The following PLK1 variants were observed in gnomAD, a reference collection of about 807,000 sequenced individuals.
PLK1 encodes polo like kinase 1, also known as serine/threonine-protein kinase PLK1.
PLK1 carries 6 observed loss-of-function variants against 56.7 expected under a neutral mutation model. The ratio of observed to expected loss-of-function variants is 0.11; its 90% CI spans 0.06 to 0.21. PLK1 has a LOEUF of 0.21. Among genes scored for constraint, PLK1 ranks in the 10% least tolerant of loss-of-function variants. The probability of loss-of-function intolerance (pLI) is 1.00; values close to 1 mark genes in which losing one functional copy is unlikely to be tolerated. For synonymous variants in PLK1, 298 were observed against 325.0 expected (o/e 0.92, Z 0.89); for missense variants, 546 against 814.4 (o/e 0.67, Z 4.01).
intron 7 of PLK1, among the ~76,000 whole-genome samples, 194 bp downstream of exon 7, chr16:23,688,939 C>T (rs927445701): frequency 6.6e-6 from 1 of 151,588 alleles, no homozygotes; most frequent in South Asian, 2.1e-4. Context: ...CAGGGTCCTG[C>T]TCTGTAGCCC....
At chr16:23,688,617 G>C in intron 6 of PLK1, 51 bp from the exon 7 acceptor site, 1 of 1,379,528 alleles carries the variant, frequency 7.2e-7, no homozygotes, top group Non-Finnish European at 1.0e-6. Flanking sequence ...GTGGAGCAGA[G>C]GGGAAGAGGC....
At chr16:23,680,498 CAGTAAT>C (rs1255539713) in intron 2 of PLK1, among the ~76,000 whole-genome samples, 1 of 152,186 alleles carries the variant, frequency 6.6e-6, no homozygotes, top group Non-Finnish European at 1.5e-5. Flanking sequence ...GTGAAAGCTT[CAGTAAT>C]ACGAGGACAG....
Position 23,683,859 on chromosome 16 carries a change from C to T in PLK1, c.817-11C>T, listed in dbSNP as rs1486849232. 1 of 1,608,578 alleles carries T rather than the reference C, an allele frequency of 6.2e-7. No individual in the cohort carries two copies. The highest frequency in any genetic ancestry group is 8.5e-7 in the Non-Finnish European group (1 of 1,175,122). On this transcript the variant is annotated splice_polypyrimidine_tract_variant and intron_variant, in intron 4 of 9. Transcript: ENST00000300093. ...ACATTCTGCTTATGGCTGTCCCTCT[C>T]TCTGCCCCAGCACATCAACCCCGTG...
At chr16:23,687,430 G>T in intron 5 of PLK1, 39 bp from the exon 6 acceptor site, 1 of 1,494,980 alleles carries the variant, frequency 6.7e-7, no homozygotes, top group South Asian at 1.3e-5. Flanking sequence ...GGGGAGTCCC[G>T]TGCCCTTCCC....
intron 3 of PLK1, among the ~76,000 whole-genome samples, chr16:23,681,728 T>G (rs1181614400): frequency 1.3e-5 from 2 of 152,216 alleles, no homozygotes; most frequent in Non-Finnish European, 2.9e-5. Context: ...AAGGTGGAGC[T>G]GCTTCTGTAA....
intron 5 of PLK1, among the ~76,000 whole-genome samples, chr16:23,686,318 T>C (rs55888781): frequency 0.064 from 9,674 of 152,180 alleles, 639 homozygotes; most frequent in African/African-American, 0.16. Context: ...TTTAATTTTT[T>C]ATATAGCATT....
chr16:23,685,083 C>T (rs1457816566), intron 5 of PLK1, among the ~76,000 whole-genome samples: 4 of 141,014 alleles, frequency 2.8e-5, no homozygotes, highest in African/African-American at 1.1e-4. Flanking sequence ...TTTAAAAAGT[C>T]ACTTGAAATA....
chr16:23,688,818 C>A, intron 7 of PLK1, 73 bp downstream of exon 7: 1 of 1,013,588 alleles, frequency 9.9e-7, no homozygotes. Context: ...CAGACTCTGG[C>A]CTTTTTGAGC....
chr16:23,686,729 A>C (rs1760788129), intron 5 of PLK1, among the ~76,000 whole-genome samples: 2 of 152,190 alleles, frequency 1.3e-5, no homozygotes, highest in African/African-American at 4.8e-5. Context: ...GAGCTCAAAC[A>C]ATCTACCTGC....
At chr16:23,687,163 C>T (rs1732829989) in intron 5 of PLK1, 1 of 206,050 alleles carries the variant, frequency 4.9e-6, no homozygotes, top group African/African-American at 2.3e-5. Context: ...AGATGCTTTC[C>T]ATTCTTTGCT....
chr16:23,682,992 T>TC (rs1959361219), intron 4 of PLK1, among the ~76,000 whole-genome samples: 3 of 140,460 alleles, frequency 2.1e-5, no homozygotes, highest in South Asian at 2.4e-4. Flanking sequence ...TTTCTTTTTT[T>TC]TTTTTTTTTT....
At position 23,680,250 on chromosome 16, in the gene PLK1, T is replaced by C; in HGVS notation, c.575T>C (p.Ile192Thr). ...LFLNEDLEVK[I>T]GDFGLATKVE... ...CTGAATGAAGATCTGGAGGTGAAAA[T>C]AGGTGAGTTGCTGAGCCTGCAGGGG... Residue 192 changes from isoleucine to threonine, a missense_variant and splice_region_variant, in exon 2 of 10, where the codon ATA becomes ACA. Ile to Thr is a moderately conservative substitution (Grantham distance 89, BLOSUM62 -1). Transcript: ENST00000300093. 3 of 1,613,652 alleles carry C rather than the reference T, an allele frequency of 1.9e-6. No individual in the cohort carries two copies. The highest frequency in any genetic ancestry group is 1.3e-5 in the African/African-American group (1 of 74,938).
chr16:23,684,606 C>A (rs1349987330), intron 5 of PLK1, among the ~76,000 whole-genome samples: 2 of 152,182 alleles, frequency 1.3e-5, no homozygotes, highest in African/African-American at 4.8e-5. Flanking sequence ...CCTTTCACCT[C>A]CACCAAAGTG....
chr16:23,681,166 G>C (rs890376271), intron 3 of PLK1, 108 bp downstream of exon 3: 5 of 965,800 alleles, frequency 5.2e-6, no homozygotes, highest in Non-Finnish European at 8.1e-6. Flanking sequence ...TTTACAGAAA[G>C]CCTACTCCAA....
rs767247971 is a variant in PLK1, at chr16:23,689,347, G to A, written c.1380G>A (p.Glu460=). The A allele has an allele frequency of 1.2e-6, 2 of 1,613,606 alleles. No individual in the cohort carries two copies. The highest frequency in any genetic ancestry group is 1.3e-5 in the African/African-American group (1 of 75,018). Residue 460 remains glutamate (E), a synonymous_variant, in exon 8 of 10, where the codon GAG becomes GAA. Coordinates refer to ENST00000300093, the MANE Select transcript of PLK1 (RefSeq NM_005030.6). This position sits in a 1 kb window ranked among gnomAD's most constrained non-coding sequence, Gnocchi z 4.8. ...AGTACATAGAGCGTGACGGCACTGA[G>A]TCCTACCTCACCGTGAGTTCCCATC... ...SLQYIERDGT[E]SYLTVSSHPN...
chr16:23,686,267 G>A (rs551557853), intron 5 of PLK1, among the ~76,000 whole-genome samples: 5 of 151,952 alleles, frequency 3.3e-5, no homozygotes, highest in East Asian at 2.0e-4. Context: ...CTGAGCTCAA[G>A]TGATCCTCCT....
chr16:23,686,972 G>T (rs774715642), intron 5 of PLK1: 1 of 152,242 alleles, frequency 6.6e-6, no homozygotes, highest in Non-Finnish European at 1.5e-5. Flanking sequence ...TGTTTCTACT[G>T]CCCAGATATA....
At chr16:23,687,400 G>A (rs1959445301) in intron 5 of PLK1, 69 bp from the exon 6 acceptor site, 1 of 1,315,760 alleles carries the variant, frequency 7.6e-7, no homozygotes, top group Non-Finnish European at 1.0e-6. Context: ...TTTTCTTTCG[G>A]AAGAGTTTCA....
chr16:23,689,210 T>C lies in PLK1; in HGVS notation c.1271-28T>C, dbSNP rs768083129. 11 of 1,590,424 alleles carry C rather than the reference T, an allele frequency of 6.9e-6. No individual in the cohort carries two copies. The Admixed American group carries it at 1.8e-4, about 27-fold the overall frequency. ...CACTCCCCACTTTCTATTCCCCCTT[T>C]CTGAGACCTCTCTCCACCGATCCCT... On this transcript the variant is annotated intron_variant, in intron 7 of 9. Coordinates refer to ENST00000300093, the MANE Select transcript of PLK1 (RefSeq NM_005030.6). The surrounding 1 kb of genome is among the most constrained non-coding windows in gnomAD (Gnocchi z 4.8).
Sources: allele counts gnomAD v4.1 joint callset (sites outside exome capture counted in the v4.1 genomes callset), GRCh38; gene constraint gnomAD v4.1.1; non-coding constraint Gnocchi (gnomAD v3.1); transcripts MANE v1.5; gene names NCBI Gene and HGNC (gene_info 2026-07-23, HGNC 2026-07-21).